SRPK1: variants seen among roughly 807,000 people sequenced by gnomAD.
SRPK1 encodes the protein SFRS protein kinase 1.
In SRPK1, 52 loss-of-function variants were observed where a neutral mutation model predicts 89.5. The ratio of observed to expected loss-of-function variants is 0.58; its 90% CI spans 0.46 to 0.73. SRPK1 has a LOEUF of 0.73. SRPK1 is among the 30% of genes least tolerant of loss of function. The pLI, the probability that SRPK1 is intolerant of heterozygous loss-of-function variation, is 0.00. For missense variants in SRPK1, 603 were observed against 780.6 expected (o/e 0.77, Z 2.71); for synonymous variants, 255 against 270.2 (o/e 0.94, Z 0.55).
intron 2 of SRPK1, among the ~76,000 whole-genome samples, chr6:35,891,369 G>T (rs999822517): frequency 2.0e-5 from 3 of 152,002 alleles, no homozygotes; most frequent in Admixed American, 2.0e-4. Context: ...AAACAAATTT[G>T]CATCTGGCTT....
intron 15 of SRPK1, among the ~76,000 whole-genome samples, chr6:35,837,495 A>G (rs1446853222): frequency 2.6e-5 from 4 of 152,250 alleles, no homozygotes; most frequent in African/African-American, 9.6e-5. Flanking sequence ...AGGCACAGTT[A>G]GATCCTGTCA....
chr6:35,920,220 G>A (rs745896106), intron 2 of SRPK1: 11 of 598,196 alleles, frequency 1.8e-5, no homozygotes, highest in South Asian at 1.4e-4. Flanking sequence ...AAGGTACCGG[G>A]CGGGCTCTGG....
At chr6:35,878,493 C>T (rs1266205790) in intron 6 of SRPK1, among the ~76,000 whole-genome samples, 3 of 152,096 alleles carry the variant, frequency 2.0e-5, no homozygotes, top group African/African-American at 7.2e-5. Context: ...CACAACTTCC[C>T]GAAGAAGAGG....
chr6:35,882,685 A>G (rs1770321555), intron 6 of SRPK1, among the ~76,000 whole-genome samples: 1 of 152,200 alleles, frequency 6.6e-6, no homozygotes, highest in African/African-American at 2.4e-5. Context: ...AATTATCAGG[A>G]GGTACAGACA....
chr6:35,836,537 G>A (rs1163324611), intron 15 of SRPK1, among the ~76,000 whole-genome samples: 1 of 151,968 alleles, frequency 6.6e-6, no homozygotes, highest in Non-Finnish European at 1.5e-5. Flanking sequence ...TGGATCACTT[G>A]AGCTCAGGAG....
chr6:35,879,547 C>CA (rs1178693821), intron 6 of SRPK1, among the ~76,000 whole-genome samples: 2 of 151,936 alleles, frequency 1.3e-5, no homozygotes, highest in Non-Finnish European at 2.9e-5. Flanking sequence ...GATCCTGTCT[C>CA]AAAAAAATAA....
rs1240740760 is a variant in SRPK1 at position 35,921,097 on chromosome 6, G to T, written c.-41C>A. 1.2e-5 allele frequency: 17 copies of T among 1,467,416 alleles called. No homozygotes were observed. The highest frequency in any genetic ancestry group is 1.4e-5 in the Non-Finnish European group (15 of 1,102,980). The allele number at this position is 1,467,416 out of a possible 1,614,324, so 90.9% of individuals were successfully genotyped here. On this transcript the variant is annotated 5_prime_UTR_variant, in exon 1 of 16. Coordinates refer to ENST00000373825, the MANE Select transcript of SRPK1 (RefSeq NM_003137.5). The stretch of plus-strand genomic sequence containing the variant: ...CGCCAGGCGCCTGCGCACTCGAGTG[G>T]CGGCGACTCCCGCTCCCGCCGCGGC...
intron 2 of SRPK1, among the ~76,000 whole-genome samples, chr6:35,916,486 T>C (rs1467651243): frequency 1.3e-5 from 2 of 152,208 alleles, no homozygotes; most frequent in African/African-American, 4.8e-5. Context: ...CTCTACTTCC[T>C]ACTGAATAAA....
rs756034975 is a variant in SRPK1 at position 35,888,940 on chromosome 6, A to T, written c.194-17T>A. 3.3e-6 allele frequency: 5 copies of T among 1,528,308 alleles called. No individual in the cohort carries two copies. The highest frequency in any genetic ancestry group is 4.5e-6 in the Non-Finnish European group (5 of 1,104,484). 94.7% of individuals were successfully genotyped at this position (1,528,308 alleles called of 1,614,324 possible). On this transcript the variant is annotated splice_polypyrimidine_tract_variant and intron_variant, in intron 3 of 15. Transcript: ENST00000373825. ...GATAACCTCCTGGAAGAAACAGGGG[A>T]AATACAATCAGAAAAACCAGGATGA...
chr6:35,840,130 A>G (rs1442006106), intron 14 of SRPK1, among the ~76,000 whole-genome samples: 1 of 152,198 alleles, frequency 6.6e-6, no homozygotes, highest in Non-Finnish European at 1.5e-5. Flanking sequence ...CCAGAAAAAA[A>G]GCTTTAGAAA....
chr6:35,863,515 T>C (rs1769829537), intron 12 of SRPK1, among the ~76,000 whole-genome samples: 1 of 150,908 alleles, frequency 6.6e-6, no homozygotes, highest in African/African-American at 2.4e-5. Flanking sequence ...TTTTTTTCAG[T>C]TTAGAAAACC....
intron 5 of SRPK1, among the ~76,000 whole-genome samples, 177 bp from the exon 6 acceptor site, chr6:35,886,988 T>A (rs535050875): frequency 6.6e-6 from 1 of 152,322 alleles, no homozygotes; most frequent in African/African-American, 2.4e-5. Context: ...AGTCAATTCA[T>A]AAGAGGAAAT....
chr6:35,916,578 C>T lies in SRPK1; in HGVS notation c.74+3890G>A, dbSNP rs532741212. ...ATTCAAGTAAATTTTCAATATATCT[C>T]CCAAATGACTCCACAAATCAGTGTT... On this transcript the variant is annotated intron_variant, in intron 2 of 15. Transcript: ENST00000373825. Among the ~76,000 whole-genome samples the T allele has an allele frequency of 3.9e-5, 6 of 151,960 alleles. No homozygotes were observed. The South Asian group carries it at 1.2e-3, about 32-fold the overall frequency.
chr6:35,915,694 C>T (rs1170082352), intron 2 of SRPK1, among the ~76,000 whole-genome samples: 1 of 151,896 alleles, frequency 6.6e-6, no homozygotes, highest in African/African-American at 2.4e-5. Flanking sequence ...ATATACAGGC[C>T]AGGTGCGGTG....
At chr6:35,917,881 CTAACT>C (rs1771146205) in intron 2 of SRPK1, among the ~76,000 whole-genome samples, 1 of 152,210 alleles carries the variant, frequency 6.6e-6, no homozygotes, top group Admixed American at 6.5e-5. Context: ...GTTTCCTTAA[CTAACT>C]TGTCTAAGGT....
intron 13 of SRPK1, among the ~76,000 whole-genome samples, chr6:35,847,264 T>A (rs113044695): frequency 0.016 from 2,416 of 152,330 alleles, 26 homozygotes; most frequent in Middle Eastern, 0.037. Flanking sequence ...TGGAGTGCAG[T>A]GGCACAATCA....
chr6:35,845,157 C>G (rs773446122), intron 13 of SRPK1, among the ~76,000 whole-genome samples: 1 of 152,042 alleles, frequency 6.6e-6, no homozygotes, highest in Non-Finnish European at 1.5e-5. Context: ...AGGCAGAGCA[C>G]AGAGGAGTTT....
chr6:35,889,169 C>G (rs953366300), intron 3 of SRPK1, among the ~76,000 whole-genome samples: 2 of 152,014 alleles, frequency 1.3e-5, no homozygotes, highest in African/African-American at 2.4e-5. Context: ...ACAGTCTCAT[C>G]CAAAAACAAT....
chr6:35,907,432 G>A (rs1447672250), intron 2 of SRPK1, among the ~76,000 whole-genome samples: 7 of 152,024 alleles, frequency 4.6e-5, no homozygotes, highest in Admixed American at 3.3e-4. Flanking sequence ...GAGGCTGGGC[G>A]CGATGGCTCA....
Sources: gnomAD v4.1 joint callset for allele counts (sites outside exome capture counted in the v4.1 genomes callset) on GRCh38, gnomAD v4.1.1 for gene constraint, MANE v1.5 for transcripts, NCBI Gene and HGNC (gene_info 2026-07-23, HGNC 2026-07-21) for gene names.